Variants in TM4SF4 observed in about 807,000 individuals in gnomAD.
The protein encoded by TM4SF4 is transmembrane 4 L six family member 4.
Under a neutral mutation model 24.1 loss-of-function variants are expected in TM4SF4, and 24 were observed. That is an observed-to-expected ratio of 1.00 (90% CI 0.72 to 1.40). TM4SF4 has a LOEUF of 1.40. Ranked by LOEUF, TM4SF4 falls within the 40% of genes most tolerant of loss-of-function variation. The pLI is 0.00. For synonymous variants in TM4SF4, 113 were observed against 97.0 expected, an observed-to-expected ratio of 1.17 and a Z score of -0.97; for missense variants, 254 against 254.2, an observed-to-expected ratio of 1.00 and a Z score of 0.01.
intron 2 of TM4SF4, among the ~76,000 whole-genome samples, chr3:149,484,425 C>T (rs1022056162): frequency 7.9e-5 from 12 of 152,116 alleles, no homozygotes; most frequent in African/African-American, 2.9e-4. Context: ...GCTCTGTCAC[C>T]CAGGCTGGAG....
chr3:149,485,370 G>T (rs562008081), intron 2 of TM4SF4, among the ~76,000 whole-genome samples: 9 of 152,140 alleles, frequency 5.9e-5, no homozygotes, highest in Non-Finnish European at 5.9e-5. Context: ...TTCTGACCTA[G>T]GTTAAAGTCA....
At chr3:149,479,665 GCTTCT>G (rs1220532175) in intron 2 of TM4SF4, among the ~76,000 whole-genome samples, 1 of 152,186 alleles carries the variant, frequency 6.6e-6, no homozygotes, top group Admixed American at 6.5e-5. Flanking sequence ...GGGACACGGG[GCTTCT>G]GTGGAGCACT....
At chr3:149,490,500 G>C (rs1275787877) in intron 3 of TM4SF4, among the ~76,000 whole-genome samples, 1 of 152,186 alleles carries the variant, frequency 6.6e-6, no homozygotes, top group Non-Finnish European at 1.5e-5. Context: ...AGGACAAGTG[G>C]CTTGCCAAGA....
At chr3:149,487,018 C>A (rs956509271) in intron 2 of TM4SF4, among the ~76,000 whole-genome samples, 2 of 152,138 alleles carry the variant, frequency 1.3e-5, no homozygotes, top group African/African-American at 4.8e-5. Context: ...CTTTGGGAGG[C>A]CAAGGCAGGC....
intron 4 of TM4SF4, among the ~76,000 whole-genome samples, chr3:149,500,982 C>T (rs1262691447): frequency 6.7e-6 from 1 of 148,868 alleles, no homozygotes; most frequent in Non-Finnish European, 1.5e-5. Flanking sequence ...TGAGATCTTG[C>T]CCCTGCACTG....
intron 3 of TM4SF4, among the ~76,000 whole-genome samples, chr3:149,493,897 G>T (rs1041502531): frequency 6.6e-6 from 1 of 152,190 alleles, no homozygotes; most frequent in Non-Finnish European, 1.5e-5. Flanking sequence ...GACAGAGCGC[G>T]CCAGCAAAGC....
chr3:149,502,845 G>A lies in TM4SF4; in HGVS notation c.*152G>A, dbSNP rs1576524668. The A allele has an allele frequency of 1.9e-6, 1 of 530,016 alleles. No homozygotes were observed. Among genetic ancestry groups the A allele is most frequent in the East Asian group, 3.1e-5 (1 of 32,542 alleles). 32.8% of individuals were successfully genotyped at this position (530,016 alleles called of 1,614,324 possible). On this transcript the variant is annotated 3_prime_UTR_variant, in exon 5 of 5. Coordinates refer to ENST00000305354, the MANE Select transcript of TM4SF4 (RefSeq NM_004617.4). Reference sequence around the variant, plus strand: ...TTATTCCTTCTTTCCAACCAGCTTTGCTCGAGTTAGAATTTTGTTATTTTC... The same window carrying A: ...TTATTCCTTCTTTCCAACCAGCTTTACTCGAGTTAGAATTTTGTTATTTTC...
chr3:149,491,204 G>A (rs987668150), intron 3 of TM4SF4, among the ~76,000 whole-genome samples: 1 of 151,096 alleles, frequency 6.6e-6, no homozygotes, highest in Non-Finnish European at 1.5e-5. Flanking sequence ...TCAGCACTTT[G>A]GGATGCTGAG....
chr3:149,484,369 AATTGTTT>A (rs1395157185), intron 2 of TM4SF4, among the ~76,000 whole-genome samples: 1 of 124,386 alleles, frequency 8.0e-6, no homozygotes, highest in Non-Finnish European at 1.9e-5. Flanking sequence ...TTTAGAATGC[AATTGTTT>A]ATTTATTTAT....
chr3:149,475,760 A>G, intron 1 of TM4SF4, 63 bp from the exon 2 acceptor site: 1 of 1,413,598 alleles, frequency 7.1e-7, no homozygotes, highest in Non-Finnish European at 9.8e-7. Flanking sequence ...TTATACAGTC[A>G]GGCAGGCTCG....
chr3:149,487,730 A>G lies in TM4SF4; in HGVS notation c.376A>G (p.Thr126Ala), dbSNP rs1734143611. 1 of 1,613,932 alleles carries G rather than the reference A, an allele frequency of 6.2e-7. No homozygotes were observed. The highest frequency in any genetic ancestry group is 8.5e-7 in the Non-Finnish European group (1 of 1,179,908). Residue 126 changes from threonine (T) to alanine (A), a missense_variant, in exon 3 of 5, where the codon ACA (threonine) becomes GCA (alanine). By Grantham distance (58) the Thr-to-Ala change is moderately conservative (BLOSUM62 0). Transcript: ENST00000305354. ...TCCTAAATGCCTCATGGCCAATAGTACATGGGGCTACCCCTTCCACGACGG... is the reference window on the plus strand; with the variant it reads ...TCCTAAATGCCTCATGGCCAATAGTGCATGGGGCTACCCCTTCCACGACGG... ...KGPKCLMANS[T>A]WGYPFHDGDY...
chr3:149,487,481 GC>G, intron 2 of TM4SF4, 137 bp from the exon 3 acceptor site: 1 of 946,036 alleles, frequency 1.1e-6, no homozygotes, highest in Non-Finnish European at 1.6e-6. Context: ...GACCCCACAG[GC>G]CCCATCTACT....
chr3:149,487,524 G>A (rs1734139440), intron 2 of TM4SF4, 95 bp from the exon 3 acceptor site: 4 of 1,479,880 alleles, frequency 2.7e-6, no homozygotes, highest in Non-Finnish European at 3.7e-6. Context: ...ATAACTTCTT[G>A]TAGTCACCAT....
At chr3:149,490,366 C>T (rs1440880737) in intron 3 of TM4SF4, among the ~76,000 whole-genome samples, 1 of 152,218 alleles carries the variant, frequency 6.6e-6, no homozygotes, top group Admixed American at 6.5e-5. Flanking sequence ...ATAATTGAAA[C>T]TTCTATTGCT....
At chr3:149,476,814 G>GTTTTTTTTTTT (rs67092416) in intron 2 of TM4SF4, among the ~76,000 whole-genome samples, 3 of 81,206 alleles carry the variant, frequency 3.7e-5, no homozygotes, top group Non-Finnish European at 7.4e-5. Context: ...TTTTGTTTTT[G>GTTTTTTTTTTT]TTTTTTTTTT....
chr3:149,485,906 T>G (rs1326886433), intron 2 of TM4SF4, among the ~76,000 whole-genome samples: 3 of 152,168 alleles, frequency 2.0e-5, no homozygotes, highest in African/African-American at 7.2e-5. Context: ...AGATGAAGAA[T>G]GAAGGGTCAG....
intron 3 of TM4SF4, among the ~76,000 whole-genome samples, chr3:149,496,584 C>T (rs372341549): frequency 6.6e-6 from 1 of 152,072 alleles, no homozygotes; most frequent in Non-Finnish European, 1.5e-5. Flanking sequence ...GCCTGACCAA[C>T]ATGGAGAAAC....
intron 2 of TM4SF4, among the ~76,000 whole-genome samples, chr3:149,478,446 GA>G (rs950272423): frequency 1.3e-5 from 2 of 151,716 alleles, no homozygotes; most frequent in Non-Finnish European, 2.9e-5. Context: ...CACCTGGCCG[GA>G]AAAAAAATGT....
Position 149,502,714 on chromosome 3 carries a change from A to G in TM4SF4, c.*21A>G, listed in dbSNP as rs759851362. 1.3e-6 allele frequency: 2 copies of G among 1,573,908 alleles called. No homozygotes were observed. Among genetic ancestry groups the G allele is most frequent in the East Asian group, 4.5e-5 (2 of 44,484 alleles). On this transcript the variant is annotated 3_prime_UTR_variant, in exon 5 of 5. Coordinates refer to ENST00000305354, the MANE Select transcript of TM4SF4 (RefSeq NM_004617.4). ...TTTAAACCTCCGAGATGAGCTGCTC[A>G]GACTCTACAGCATGACGACTACAAT...
Sources: allele counts gnomAD v4.1 joint callset (sites outside exome capture counted in the v4.1 genomes callset), GRCh38; gene constraint gnomAD v4.1.1; transcripts MANE v1.5; gene names NCBI Gene and HGNC (gene_info 2026-07-23, HGNC 2026-07-21).